ZNF397: variants seen among roughly 807,000 people sequenced by gnomAD.
ZNF397 encodes the protein zinc finger and SCAN domain-containing protein 15.
In ZNF397, 38 loss-of-function variants were observed where a neutral mutation model predicts 50.6. That is an observed-to-expected ratio of 0.75 (90% CI 0.58 to 0.98). The LOEUF is 0.98. Among genes scored for constraint, ZNF397 ranks in the 50% least tolerant of loss-of-function variants. ZNF397 has a pLI of 0.00. For synonymous variants in ZNF397, 228 were observed against 215.2 expected, an observed-to-expected ratio of 1.06 and a Z score of -0.52; for missense variants, 624 against 624.1, an observed-to-expected ratio of 1.00 and a Z score of 0.00.
exon 6 of ZNF397, chr18:35,257,948 C>A: frequency 5.1e-6 from 4 of 781,022 alleles, no homozygotes; most frequent in Non-Finnish European, 9.6e-6. Flanking sequence ...AAGAACACAT[C>A]GTCAATAAAT....
chr18:35,252,787 C>G (rs1383244291), downstream of ZNF397: 1 of 152,250 alleles, frequency 6.6e-6, no homozygotes, highest in Non-Finnish European at 1.5e-5. Context: ...GCCCTTAACT[C>G]TGGGAGGGCA....
At chr18:35,250,381 C>T (rs771443899), downstream of ZNF397, among the ~76,000 whole-genome samples, 1 of 152,208 alleles carries the variant, frequency 6.6e-6, no homozygotes, top group Non-Finnish European at 1.5e-5. Context: ...GTCTTCACCA[C>T]TCTTGCTTGG....
downstream of ZNF397, chr18:35,253,955 C>G (rs768216349): frequency 6.2e-7 from 1 of 1,614,062 alleles, no homozygotes; most frequent in Non-Finnish European, 8.5e-7. Context: ...TGCATAAGGT[C>G]TCTCTCCAGT....
At chr18:35,254,022 C>G (rs747750967), downstream of ZNF397, 12 of 1,614,190 alleles carry the variant, frequency 7.4e-6, no homozygotes, top group Middle Eastern at 3.3e-4. Context: ...TTCCCACAGT[C>G]AAAGCACTCA....
In ZNF397 at chr18:35,246,660, G is replaced by A. The variant is rs1253836180; in HGVS notation, c.*350G>A. 1.2e-5 allele frequency: 12 copies of A among 1,038,058 alleles called. No individual in the cohort carries two copies. The highest frequency in any genetic ancestry group is 1.4e-5 in the Non-Finnish European group (12 of 862,904). 64.3% of individuals were successfully genotyped at this position (1,038,058 alleles called of 1,614,324 possible). ...ACTGCATCTGATTGTTAGTGTGCCA[G>A]GTTATGGGGCTGGTGTGGACTGTGT... On this transcript the variant is annotated 3_prime_UTR_variant, in exon 4 of 4. Transcript: ENST00000330501.
chr18:35,242,659 G>A lies in ZNF397; in HGVS notation c.189G>A (p.Gly63=), dbSNP rs201954933. 1.2e-5 allele frequency: 19 copies of A among 1,614,102 alleles called. No homozygotes were observed. Among genetic ancestry groups the A allele is most frequent in the East Asian group, 8.9e-5 (4 of 44,900 alleles). Reference sequence around the variant, plus strand: ...AATTTTGCTACCAGGAGACACCTGGGCCCCGGGAGGCTCTGAGCCGACTCC... The same window carrying A: ...AATTTTGCTACCAGGAGACACCTGGACCCCGGGAGGCTCTGAGCCGACTCC... ...FRKFCYQETP[G]PREALSRLQE... is the part of the protein sequence containing the mutation. The change falls in exon 2 of 4, where the codon GGG becomes GGA. Residue 63 remains glycine, a synonymous_variant. Transcript: ENST00000330501.
rs1289845842 is a variant in ZNF397, at chr18:35,241,286, A to C, written c.-81+177A>C. The C allele has an allele frequency of 3.3e-5, 5 of 152,358 alleles. No homozygotes were observed. The South Asian group carries it at 6.2e-4, about 19-fold the overall frequency. 9.4% of individuals were successfully genotyped at this position (152,358 alleles called of 1,614,324 possible). On this transcript the variant is annotated intron_variant, in intron 1 of 3. Transcript: ENST00000330501. The stretch of plus-strand genomic sequence containing the variant: ...CAGCACTCAAACTCCTGCTTTCCAA[A>C]GGAAAACGCAGTTCCGCTGACCCCG...
chr18:35,257,819 G>T (rs2043890464), intron 5 of ZNF397: 3 of 772,646 alleles, frequency 3.9e-6, no homozygotes, highest in Non-Finnish European at 7.3e-6. Context: ...TTATGCTTCA[G>T]CGGCCCATGA....
chr18:35,245,684 T>C lies in ZNF397; in HGVS notation c.979T>C (p.Tyr327His). Residue 327 changes from tyrosine (Y) to histidine (H), a missense_variant, in exon 4 of 4, where the codon TAT becomes CAT. Transcript: ENST00000330501. ...TGGGAAGGCCTTTAGTTTGAGGTCC[T>C]ATCTTATTATTCATCAGAGAATTCA... ...QCGKAFSLRSYLIIHQRIHSG... is the reference protein window; with the variant it reads ...QCGKAFSLRSHLIIHQRIHSG... 1 of 1,552,444 alleles carries C rather than the reference T, an allele frequency of 6.4e-7. No homozygotes were observed. Among genetic ancestry groups the C allele is most frequent in the Non-Finnish European group, 8.7e-7 (1 of 1,147,330 alleles).
downstream of ZNF397, chr18:35,251,514 A>G (rs2043593599): frequency 6.6e-6 from 1 of 152,176 alleles, no homozygotes; most frequent in Admixed American, 6.5e-5. Flanking sequence ...CAGCAGTGAT[A>G]TGGTTTGGCT....
chr18:35,254,310 T>G (rs149603300), downstream of ZNF397: 1 of 1,614,146 alleles, frequency 6.2e-7, no homozygotes, highest in Non-Finnish European at 8.5e-7. Context: ...GGCGATATCA[T>G]AGCTGCTGAG....
chr18:35,255,162 C>G (rs1405014129), intron 5 of ZNF397, among the ~76,000 whole-genome samples: 1 of 151,188 alleles, frequency 6.6e-6, no homozygotes, highest in African/African-American at 2.4e-5. Context: ...ACATGACTGC[C>G]CAGAGCCAGA....
chr18:35,251,813 A>C (rs781148084), downstream of ZNF397: 10 of 150,810 alleles, frequency 6.6e-5, no homozygotes, highest in Non-Finnish European at 1.2e-4. Context: ...TTTTTTTAAT[A>C]AATTACCCAG....
rs2043541697 is a variant in ZNF397, at chr18:35,249,654, A to G, written c.*3344A>G. The stretch of plus-strand genomic sequence containing the variant: ...GGTGACAGAGTGAGACTGTGTCTCA[A>G]AAAAAAAAAAAAAAAAAAAAAAAAC... On this transcript the variant is annotated 3_prime_UTR_variant, in exon 4 of 4. Transcript: ENST00000330501. 1.5e-5 allele frequency: 1 copy of G among 66,222 alleles called. No homozygotes were observed. The highest frequency in any genetic ancestry group is 4.1e-4 in the South Asian group (1 of 2,440). The allele number at this position is 66,222 out of a possible 1,614,324, so 4.1% of individuals were successfully genotyped here. A position where few individuals can be genotyped will look rare whatever the true frequency, so the allele number is the denominator to read the frequency against.
At position 35,249,248 on chromosome 18, in the gene ZNF397, GCAAT is replaced by G. The variant is rs2043531398; in HGVS notation, c.*2943_*2946del. ...CATGAATAAATACATACCATCTCTG[GCAAT>G]CAATACCAGAAGCTTTAAGCATTGC... On this transcript the variant is annotated 3_prime_UTR_variant, in exon 4 of 4. Transcript: ENST00000330501. 1 of 152,102 alleles carries G rather than the reference GCAAT, an allele frequency of 6.6e-6. No individual in the cohort carries two copies. Among genetic ancestry groups the G allele is most frequent in the Non-Finnish European group, 1.5e-5 (1 of 68,030 alleles). 9.4% of individuals were successfully genotyped at this position (152,102 alleles called of 1,614,324 possible).
chr18:35,254,300 G>C, downstream of ZNF397: 2 of 1,614,040 alleles, frequency 1.2e-6, no homozygotes, highest in Non-Finnish European at 1.7e-6. Context: ...AAGTTTTCCC[G>C]GCGATATCAT....
At chr18:35,243,024 C>A in intron 2 of ZNF397, 128 bp from the exon 3 acceptor site, 2 of 1,502,440 alleles carry the variant, frequency 1.3e-6, no homozygotes, top group South Asian at 2.6e-5. Flanking sequence ...CTTGTCTATA[C>A]CCTTGAATGG....
chr18:35,250,152 G>T (rs999089732), downstream of ZNF397, among the ~76,000 whole-genome samples: 4 of 152,206 alleles, frequency 2.6e-5, no homozygotes, highest in Admixed American at 2.6e-4. Context: ...TTGCCTGAAA[G>T]ATTTACAGTT....
chr18:35,242,051 TAATA>T (rs567163788), intron 1 of ZNF397, among the ~76,000 whole-genome samples: 98 of 152,328 alleles, frequency 6.4e-4, no homozygotes, highest in Admixed American at 2.6e-3. Context: ...CAAGTTTTAT[TAATA>T]CATACATGTT....
Sources: gnomAD v4.1 joint callset for allele counts (sites outside exome capture counted in the v4.1 genomes callset) on GRCh38, gnomAD v4.1.1 for gene constraint, MANE v1.5 for transcripts, NCBI Gene and HGNC (gene_info 2026-07-23, HGNC 2026-07-21) for gene names.